ARHGEF4: variants seen among roughly 807,000 people sequenced by gnomAD.
ARHGEF4 encodes APC-stimulated guanine nucleotide exchange factor 1.
A neutral mutation model predicts 162.0 loss-of-function variants in ARHGEF4; 119 were observed. The ratio of observed to expected loss-of-function variants is 0.73; its 90% confidence interval spans 0.63 to 0.86. The LOEUF (loss-of-function observed/expected upper bound fraction) is 0.86. ARHGEF4 is among the 40% of genes least tolerant of loss of function. The pLI, the probability that ARHGEF4 is intolerant of heterozygous loss-of-function variation, is 0.00. For synonymous variants in ARHGEF4, 1,014 were observed against 979.9 expected, an observed-to-expected ratio of 1.03 and a Z score of -0.65; for missense variants, 2,488 against 2,456.0, an observed-to-expected ratio of 1.01 and a Z score of -0.28.
rs1300881328 is a variant in ARHGEF4 at position 130,916,361 on chromosome 2, C to G, written c.2415C>G (p.Pro805=). 7 of 1,541,714 alleles carry G rather than the reference C, an allele frequency of 4.5e-6. No homozygotes were observed. The highest frequency in any genetic ancestry group is 2.8e-5 in the African/African-American group (2 of 72,642). ...SKVTSFRKGR[P]LATESPGGVP... ...TGACCTCCTTCAGGAAGGGCAGGCCCTTGGCCACTGAGAGCCCAGGAGGGG... is the reference window on the plus strand; with the variant it reads ...TGACCTCCTTCAGGAAGGGCAGGCCGTTGGCCACTGAGAGCCCAGGAGGGG... The change falls in exon 2 of 14, where the codon CCC becomes CCG. Residue 805 remains proline (P), a synonymous_variant. Coordinates refer to ENST00000409359, the MANE Select transcript of ARHGEF4 (RefSeq NM_001367493.1).
chr2:130,926,103 A>T (rs1006216984), intron 2 of ARHGEF4, among the ~76,000 whole-genome samples: 2 of 105,818 alleles, frequency 1.9e-5, no homozygotes, highest in African/African-American at 8.3e-5. Context: ...TGTTGTTCAG[A>T]TTGTATAATT....
chr2:130,992,455 A>G (rs1687081988), intron 4 of ARHGEF4, among the ~76,000 whole-genome samples: 1 of 152,066 alleles, frequency 6.6e-6, no homozygotes, highest in Non-Finnish European at 1.5e-5. Context: ...CGGGAGGAAC[A>G]AACAACTCCA....
chr2:131,034,698 T>C (rs2105385994), intron 5 of ARHGEF4, among the ~76,000 whole-genome samples: 1 of 152,286 alleles, frequency 6.6e-6, no homozygotes, highest in South Asian at 2.1e-4. Context: ...TCTGTATCTC[T>C]GAAACGAGGA....
At chr2:131,003,051 A>G (rs140569494) in intron 4 of ARHGEF4, among the ~76,000 whole-genome samples, 37 of 152,332 alleles carry the variant, frequency 2.4e-4, no homozygotes, top group African/African-American at 7.7e-4. Flanking sequence ...CAAGAGGGCA[A>G]CAAGCAAAGA....
rs775430085 is a variant in ARHGEF4, at chr2:130,915,726, G to A, written c.1780G>A (p.Val594Met). 42 of 1,549,076 alleles carry A rather than the reference G, an allele frequency of 2.7e-5. 1 individual carries two copies. Among genetic ancestry groups the A allele is most frequent in the Non-Finnish European group, 2.6e-6 (3 of 1,146,124 alleles). Residue 594 changes from valine (V) to methionine (M), a missense_variant, in exon 2 of 14, where the codon GTG (valine) becomes ATG (methionine). Around this residue, in one of 6 missense-constraint regions of ARHGEF4, gnomAD observed 1,642 missense variants for 1,481.5 expected, o/e 1.11. Transcript: ENST00000409359. The stretch of plus-strand genomic sequence containing the variant: ...TCTTTCAGAATTCAAGGCAGCCACG[G>A]TGTCTCACTGCGGCCCCGGGGCTGA... ...QGLSEFKAAT[V>M]SHCGPGAEEG... is the part of the protein sequence containing the mutation.
chr2:130,982,209 G>A (rs1364962010), intron 4 of ARHGEF4, among the ~76,000 whole-genome samples: 1 of 152,040 alleles, frequency 6.6e-6, no homozygotes, highest in Non-Finnish European at 1.5e-5. Context: ...ATGTTGGCCA[G>A]GCTAATCTCG....
chr2:131,002,487 G>A (rs895040623), intron 4 of ARHGEF4, among the ~76,000 whole-genome samples: 1 of 152,020 alleles, frequency 6.6e-6, no homozygotes, highest in African/African-American at 2.4e-5. Flanking sequence ...GAGGCGGGCG[G>A]ATCACGAGGT....
At chr2:130,983,870 T>C (rs574102713) in intron 4 of ARHGEF4, among the ~76,000 whole-genome samples, 68 of 152,230 alleles carry the variant, frequency 4.5e-4, no homozygotes, top group African/African-American at 1.5e-3. Context: ...AGGATGGTCT[T>C]GATCTCCTGA....
chr2:130,904,457 T>A (rs775366152), intron 1 of ARHGEF4, among the ~76,000 whole-genome samples: 7 of 152,050 alleles, frequency 4.6e-5, no homozygotes, highest in Non-Finnish European at 8.8e-5. Flanking sequence ...GAAGTGCAGT[T>A]CCCCACTGAT....
chr2:131,022,319 C>T (rs1011737169), intron 4 of ARHGEF4, among the ~76,000 whole-genome samples: 4 of 151,934 alleles, frequency 2.6e-5, no homozygotes, highest in Admixed American at 1.3e-4. Context: ...TTTTTTATTA[C>T]TCTTCAATTT....
intron 1 of ARHGEF4, among the ~76,000 whole-genome samples, chr2:130,894,577 A>G (rs905515518): frequency 1.3e-5 from 2 of 152,134 alleles, no homozygotes; most frequent in African/African-American, 4.8e-5. Context: ...AGGAGATTTC[A>G]CTGTTATTTC....
At chr2:130,874,404 C>T (rs1210431687) in intron 1 of ARHGEF4, among the ~76,000 whole-genome samples, 1 of 152,226 alleles carries the variant, frequency 6.6e-6, no homozygotes, top group African/African-American at 2.4e-5. Flanking sequence ...CTCAGGCCCA[C>T]AAGGTGTGTG....
At chr2:131,016,749 G>A (rs1043398197) in intron 4 of ARHGEF4, among the ~76,000 whole-genome samples, 10 of 152,234 alleles carry the variant, frequency 6.6e-5, no homozygotes, top group African/African-American at 2.4e-4. Flanking sequence ...CGGGTCTCAA[G>A]GATTTGCATC....
intron 3 of ARHGEF4, among the ~76,000 whole-genome samples, chr2:130,936,784 C>T (rs1447725105): frequency 6.6e-6 from 1 of 151,952 alleles, no homozygotes; most frequent in Non-Finnish European, 1.5e-5. Context: ...TCATTGAGTT[C>T]ACTGAGCTTC....
chr2:130,934,220 G>A lies in ARHGEF4; in HGVS notation c.3858+2963G>A, dbSNP rs115114932. Among the ~76,000 whole-genome samples, 1,255 of 152,208 alleles carry A rather than the reference G, an allele frequency of 8.2e-3. 24 individuals are homozygous for A. The highest frequency in any genetic ancestry group is 0.028 in the African/African-American group (1,182 of 41,528). On this transcript the variant is annotated intron_variant, in intron 3 of 13. Coordinates refer to ENST00000409359, the MANE Select transcript of ARHGEF4 (RefSeq NM_001367493.1). ...TGCATGTTTTCTTTGACCTATTAAT[G>A]TGGTATATTACATTGAATATGTATT...
chr2:131,042,841 T>C (rs561610801), intron 10 of ARHGEF4, among the ~76,000 whole-genome samples: 10 of 152,196 alleles, frequency 6.6e-5, no homozygotes, highest in Non-Finnish European at 1.3e-4. Context: ...TCTAAAAGTA[T>C]GAAGCCCAAG....
At chr2:131,016,875 C>T (rs1051770321) in intron 4 of ARHGEF4, among the ~76,000 whole-genome samples, 4 of 152,322 alleles carry the variant, frequency 2.6e-5, no homozygotes, top group Non-Finnish European at 5.9e-5. Context: ...CATTCCTCCA[C>T]CTCTCTCCCT....
intron 4 of ARHGEF4, among the ~76,000 whole-genome samples, chr2:130,985,124 C>A (rs1686396090): frequency 6.6e-6 from 1 of 152,134 alleles, no homozygotes; most frequent in Non-Finnish European, 1.5e-5. Flanking sequence ...AGGACATGCA[C>A]CTCTTTGGAT....
chr2:130,960,938 T>TA (rs1487755440), intron 4 of ARHGEF4, among the ~76,000 whole-genome samples: 3 of 151,946 alleles, frequency 2.0e-5, no homozygotes, highest in Admixed American at 6.6e-5. Context: ...TCCGGAAGAT[T>TA]AAAAAGGGAA....
Sources: allele counts gnomAD v4.1 joint callset (sites outside exome capture counted in the v4.1 genomes callset), GRCh38; gene constraint gnomAD v4.1.1; regional missense constraint gnomAD v4.1.1; transcripts MANE v1.5; gene names NCBI Gene and HGNC (gene_info 2026-07-23, HGNC 2026-07-21).